EXOC4: variants seen among roughly 807,000 people sequenced by gnomAD.
EXOC4 encodes the protein exocyst complex component 4, also known as SEC8-like 1.
Under a neutral mutation model 107.2 loss-of-function variants are expected in EXOC4, and 71 were observed. The ratio of observed to expected loss-of-function variants is 0.66; its 90% CI spans 0.55 to 0.81. The LOEUF (loss-of-function observed/expected upper bound fraction) is 0.81. Among genes scored for constraint, EXOC4 ranks in the 30% least tolerant of loss-of-function variants. EXOC4 has a pLI of 0.00. For synonymous variants in EXOC4, 456 were observed against 441.2 expected (o/e 1.03, Z -0.42); for missense variants, 1,108 against 1,189.6 (o/e 0.93, Z 1.01).
intron 7 of EXOC4, among the ~76,000 whole-genome samples, chr7:133,394,044 G>A (rs1484712535): frequency 1.3e-5 from 2 of 152,114 alleles, no homozygotes; most frequent in Non-Finnish European, 2.9e-5. Context: ...GTTAGCTCAG[G>A]TTTCCAGATA....
intron 10 of EXOC4, among the ~76,000 whole-genome samples, chr7:133,651,655 A>G (rs531355373): frequency 6.6e-6 from 1 of 152,296 alleles, no homozygotes; most frequent in Non-Finnish European, 1.5e-5. Context: ...AGTTGCCCAG[A>G]AGGACCACAC....
chr7:133,470,906 A>AT (rs1295257302), intron 7 of EXOC4, among the ~76,000 whole-genome samples: 2 of 152,186 alleles, frequency 1.3e-5, no homozygotes, highest in African/African-American at 4.8e-5. Flanking sequence ...GAAAATTAAA[A>AT]TTTGAACCCA....
chr7:133,460,861 A>G (rs1356242947), intron 7 of EXOC4, among the ~76,000 whole-genome samples: 1 of 152,210 alleles, frequency 6.6e-6, no homozygotes, highest in Non-Finnish European at 1.5e-5. Context: ...TTAGACATGA[A>G]TTTTGTCTAA....
At chr7:133,428,647 C>T (rs986682545) in intron 7 of EXOC4, among the ~76,000 whole-genome samples, 5 of 152,138 alleles carry the variant, frequency 3.3e-5, no homozygotes, top group African/African-American at 9.7e-5. Context: ...AATCAGGAAA[C>T]GGATTCAATA....
chr7:133,931,574 A>C (rs764682895), intron 13 of EXOC4, among the ~76,000 whole-genome samples: 18 of 152,238 alleles, frequency 1.2e-4, no homozygotes, highest in Non-Finnish European at 2.4e-4. Context: ...ACTGTAACTT[A>C]AACTAAAAGT....
At chr7:133,481,057 G>GAA (rs10686907) in intron 9 of EXOC4, 101,092 of 142,168 alleles carry the variant, frequency 0.71, 36,383 homozygotes, top group East Asian at 0.93. Context: ...CTCAAAAAAA[G>GAA]AAAAAAAAAA....
In EXOC4 at chr7:133,677,751, T is replaced by G. The variant is rs148670202; in HGVS notation, c.1514+47610T>G. ...GCCACCCAAACCTGCTAATCAATCT[T>G]AAATCCTTCTCTTTCTGCTAAATAT... On this transcript the variant is annotated intron_variant, in intron 10 of 17. Coordinates refer to ENST00000253861, the MANE Select transcript of EXOC4 (RefSeq NM_021807.4). Among the ~76,000 whole-genome samples the G allele has an allele frequency of 1.8e-3, 281 of 152,240 alleles. 2 individuals are homozygous for G. The highest frequency in any genetic ancestry group is 6.2e-3 in the African/African-American group (258 of 41,566).
chr7:134,052,779 A>C (rs964345383), intron 17 of EXOC4, among the ~76,000 whole-genome samples: 2 of 152,218 alleles, frequency 1.3e-5, no homozygotes, highest in Non-Finnish European at 2.9e-5. Context: ...AAGATGTGGG[A>C]TTCATGCCTA....
chr7:134,024,278 G>A (rs1156376316), intron 17 of EXOC4, among the ~76,000 whole-genome samples: 2 of 152,038 alleles, frequency 1.3e-5, no homozygotes, highest in Non-Finnish European at 2.9e-5. Flanking sequence ...GTGAAACCCC[G>A]TCTCTACTAA....
chr7:133,879,117 T>C (rs1220159432), intron 11 of EXOC4, among the ~76,000 whole-genome samples: 2 of 152,182 alleles, frequency 1.3e-5, no homozygotes, highest in African/African-American at 4.8e-5. Flanking sequence ...TTTATTTATT[T>C]TTTTGAGACA....
rs113506160 is a variant in EXOC4 at position 133,958,323 on chromosome 7, A to G, written c.2206+20254A>G. 3.4e-3 allele frequency among the ~76,000 whole-genome samples: 509 copies of G among 151,582 alleles called. 5 individuals are homozygous for G. The highest frequency in any genetic ancestry group is 0.012 in the African/African-American group (491 of 41,292). On this transcript the variant is annotated intron_variant, in intron 14 of 17. Coordinates refer to ENST00000253861, the MANE Select transcript of EXOC4 (RefSeq NM_021807.4). Reference sequence around the variant, plus strand: ...TGATAGTAACAATTACTAATGTCTTATAGTACTGGGACGTTCCTCTCTAGT... The same window carrying G: ...TGATAGTAACAATTACTAATGTCTTGTAGTACTGGGACGTTCCTCTCTAGT...
At chr7:133,563,235 GT>G (rs895011054) in intron 9 of EXOC4, among the ~76,000 whole-genome samples, 17 of 151,364 alleles carry the variant, frequency 1.1e-4, no homozygotes, top group Admixed American at 9.2e-4. Context: ...GGAAAGTTAG[GT>G]TTTTTTTTAA....
intron 9 of EXOC4, among the ~76,000 whole-genome samples, chr7:133,501,832 T>G (rs1443344911): frequency 6.6e-6 from 1 of 152,176 alleles, no homozygotes; most frequent in African/African-American, 2.4e-5. Flanking sequence ...GGTTTGACAG[T>G]ATTAATGCAA....
intron 1 of EXOC4, among the ~76,000 whole-genome samples, chr7:133,270,379 G>A (rs1317848083): frequency 6.6e-6 from 1 of 152,160 alleles, no homozygotes; most frequent in Non-Finnish European, 1.5e-5. Flanking sequence ...ATTAATGCCT[G>A]GCACATAGTA....
At chr7:133,384,239 C>T (rs1796678006) in intron 7 of EXOC4, among the ~76,000 whole-genome samples, 2 of 152,082 alleles carry the variant, frequency 1.3e-5, no homozygotes, top group South Asian at 4.1e-4. Context: ...GCAGGGGATA[C>T]CCCAGAATAG....
intron 5 of EXOC4, among the ~76,000 whole-genome samples, chr7:133,342,004 T>G: frequency 6.6e-6 from 1 of 152,218 alleles, no homozygotes; most frequent in East Asian, 1.9e-4. Context: ...CTGTATCTTT[T>G]ACGTGGAGCG....
At chr7:133,849,966 A>T (rs552158378) in intron 11 of EXOC4, among the ~76,000 whole-genome samples, 6 of 152,364 alleles carry the variant, frequency 3.9e-5, no homozygotes, top group African/African-American at 1.4e-4. Context: ...ACTGTTTTCA[A>T]TATCATCCAA....
At chr7:133,604,631 G>C (rs1801885901) in intron 9 of EXOC4, among the ~76,000 whole-genome samples, 1 of 149,084 alleles carries the variant, frequency 6.7e-6, no homozygotes, top group South Asian at 2.1e-4. Context: ...ACTTGGTACT[G>C]CTCCTTCAGC....
intron 11 of EXOC4, among the ~76,000 whole-genome samples, chr7:133,833,423 G>A (rs1399125374): frequency 6.6e-6 from 1 of 152,222 alleles, no homozygotes; most frequent in Non-Finnish European, 1.5e-5. Flanking sequence ...AAACCCGAAG[G>A]AGTGTACCAA....
Sources: gnomAD v4.1 joint callset for allele counts (sites outside exome capture counted in the v4.1 genomes callset) on GRCh38, gnomAD v4.1.1 for gene constraint, MANE v1.5 for transcripts, NCBI Gene and HGNC (gene_info 2026-07-23, HGNC 2026-07-21) for gene names.